The following NCOA7 variants were observed in gnomAD, a reference collection of about 807,000 sequenced individuals.
NCOA7 encodes nuclear receptor coactivator 7, also known as 140 kDa estrogen receptor-associated protein.
In NCOA7, 45 loss-of-function variants were observed where a neutral mutation model predicts 104.3. That is an observed-to-expected ratio of 0.43 (90% CI 0.34 to 0.55). The LOEUF (loss-of-function observed/expected upper bound fraction) is 0.55. Among genes scored for constraint, NCOA7 ranks in the 20% least tolerant of loss-of-function variants. The pLI is 0.02. For synonymous variants in NCOA7, 398 were observed against 402.3 expected (o/e 0.99, Z 0.13); for missense variants, 1,041 against 1,119.7 (o/e 0.93, Z 1.00).
chr6:125,864,909 A>G (rs1782321417), intron 3 of NCOA7, among the ~76,000 whole-genome samples: 1 of 137,980 alleles, frequency 7.2e-6, no homozygotes, highest in Non-Finnish European at 1.5e-5. Context: ...ATGCACAATT[A>G]TTGTCCTTGA....
chr6:125,928,453 C>G (rs1197542626), intron 15 of NCOA7, among the ~76,000 whole-genome samples, 183 bp from the exon 16 acceptor site: 1 of 152,050 alleles, frequency 6.6e-6, no homozygotes, highest in East Asian at 1.9e-4. Flanking sequence ...GAGACTGTTA[C>G]CACTTGTCTT....
chr6:125,805,587 G>A (rs987256752), intron 1 of NCOA7, among the ~76,000 whole-genome samples: 1 of 152,142 alleles, frequency 6.6e-6, no homozygotes, highest in African/African-American at 2.4e-5. Flanking sequence ...TTGTTCTAAA[G>A]TTCAGACTCT....
chr6:125,840,851 T>G (rs1009360563), intron 2 of NCOA7, among the ~76,000 whole-genome samples: 3 of 146,530 alleles, frequency 2.0e-5, no homozygotes, highest in African/African-American at 7.5e-5. Flanking sequence ...CCTTTTATGG[T>G]TTTTTTTGTT....
chr6:125,800,449 CAGAT>C (rs1314443489), intron 1 of NCOA7, among the ~76,000 whole-genome samples: 1 of 152,194 alleles, frequency 6.6e-6, no homozygotes, highest in Non-Finnish European at 1.5e-5. Context: ...GTTTTATGCT[CAGAT>C]ACTTTTATTG....
intron 3 of NCOA7, among the ~76,000 whole-genome samples, chr6:125,872,087 C>T (rs1335459616): frequency 5.3e-5 from 8 of 150,980 alleles, no homozygotes; most frequent in African/African-American, 1.9e-4. Flanking sequence ...ATCTTAGACT[C>T]TGAAGGGAAG....
At chr6:125,912,740 A>T (rs1048992800) in intron 10 of NCOA7, among the ~76,000 whole-genome samples, 1 of 152,226 alleles carries the variant, frequency 6.6e-6, no homozygotes, top group Admixed American at 6.5e-5. Context: ...GTCTAGACAC[A>T]TTCCAAAGGA....
At chr6:125,860,454 T>G (rs1280262548) in intron 3 of NCOA7, among the ~76,000 whole-genome samples, 3 of 152,168 alleles carry the variant, frequency 2.0e-5, no homozygotes, top group Non-Finnish European at 4.4e-5. Context: ...TTCAAGTGAT[T>G]CTCATGCCTC....
Position 125,874,946 on chromosome 6 carries a change from C to T in NCOA7, c.329C>T (p.Pro110Leu). The change falls in exon 4 of 16, where the codon CCC (proline) becomes CTC (leucine). Residue 110 changes from proline to leucine, a missense_variant. Pro to Leu is a moderately conservative substitution (Grantham distance 98). Transcript: ENST00000392477. ...KKEKKMVVQKPHGTMEYTAGN... is the reference protein window; with the variant it reads ...KKEKKMVVQKLHGTMEYTAGN... ...GAGAAGAAGATGGTGGTTCAGAAGC[C>T]CCATGGGACTATGGAATACACTGTG... 1 of 1,613,368 alleles carries T rather than the reference C, an allele frequency of 6.2e-7. No homozygotes were observed. The highest frequency in any genetic ancestry group is 8.5e-7 in the Non-Finnish European group (1 of 1,179,482).
chr6:125,821,153 G>A (rs1422827719), intron 2 of NCOA7, among the ~76,000 whole-genome samples: 1 of 152,090 alleles, frequency 6.6e-6, no homozygotes, highest in Non-Finnish European at 1.5e-5. Flanking sequence ...GCTATGATCA[G>A]CATCTTACCC....
In NCOA7 at chr6:125,885,223, A is replaced by G; in HGVS notation, c.764A>G (p.Asp255Gly). 1 of 1,613,946 alleles carries G rather than the reference A, an allele frequency of 6.2e-7. No homozygotes were observed. The highest frequency in any genetic ancestry group is 8.5e-7 in the Non-Finnish European group (1 of 1,179,928). The change falls in exon 8 of 16, where the codon GAT becomes GGT. Residue 255 changes from aspartate (D) to glycine (G), a missense_variant. Transcript: ENST00000392477. ...NNIMFDPHKS[D>G]PLVIENGCEE... ...ATCATGTTTGACCCTCATAAATCTG[A>G]TCCTCTGGTTATTGAAAATGGGTGT... is the stretch of plus-strand genomic sequence containing the variant.
chr6:125,869,331 C>G (rs533015970), intron 3 of NCOA7, among the ~76,000 whole-genome samples: 124 of 152,308 alleles, frequency 8.1e-4, no homozygotes, highest in Non-Finnish European at 1.5e-3. Context: ...TCTTCCCCCC[C>G]ACCAGCATAC....
intron 2 of NCOA7, among the ~76,000 whole-genome samples, chr6:125,840,271 G>A (rs1350032873): frequency 2.0e-5 from 3 of 152,038 alleles, no homozygotes; most frequent in Admixed American, 6.5e-5. Context: ...GCTATACAAT[G>A]TGTTTATATT....
chr6:125,788,698 A>ATTTTTTTTTTTTTTTTTTTTTTTTTTTT (rs60048395), upstream of NCOA7, among the ~76,000 whole-genome samples: 1 of 121,916 alleles, frequency 8.2e-6, no homozygotes, highest in Non-Finnish European at 1.7e-5. Context: ...CACCCAGCTA[A>ATTTTTTTTTTTTTTTTTTTTTTTTTTTT]TTTTTTTTTT....
chr6:125,809,916 C>T (rs1301361405), intron 1 of NCOA7, among the ~76,000 whole-genome samples: 2 of 152,196 alleles, frequency 1.3e-5, no homozygotes, highest in Non-Finnish European at 2.9e-5. Context: ...AAAAGCCATG[C>T]TTTGCTATGT....
At chr6:125,795,431 A>G (rs1775230002) in intron 1 of NCOA7, among the ~76,000 whole-genome samples, 1 of 152,108 alleles carries the variant, frequency 6.6e-6, no homozygotes, top group Non-Finnish European at 1.5e-5. Flanking sequence ...TTCCCCTGTC[A>G]CCCATTTCAC....
chr6:125,804,627 C>T (rs1776253112), intron 1 of NCOA7, among the ~76,000 whole-genome samples: 1 of 151,976 alleles, frequency 6.6e-6, no homozygotes, highest in Non-Finnish European at 1.5e-5. Flanking sequence ...TGACTTATAC[C>T]TTATGAGTAT....
At chr6:125,907,170 T>A (rs1055500263) in intron 10 of NCOA7, among the ~76,000 whole-genome samples, 1 of 152,186 alleles carries the variant, frequency 6.6e-6, no homozygotes, top group Non-Finnish European at 1.5e-5. Flanking sequence ...GAGGGGATAT[T>A]ATGCGGGAGG....
intron 3 of NCOA7, among the ~76,000 whole-genome samples, chr6:125,870,286 G>A (rs1382471792): frequency 6.6e-6 from 1 of 152,096 alleles, no homozygotes; most frequent in Non-Finnish European, 1.5e-5. Flanking sequence ...CTACTCTACT[G>A]GTGATGTTGA....
At chr6:125,787,888 C>T (rs1774543178), upstream of NCOA7, among the ~76,000 whole-genome samples, 4 of 152,120 alleles carry the variant, frequency 2.6e-5, no homozygotes, top group African/African-American at 9.7e-5. Flanking sequence ...TCCTTTAATT[C>T]CTATATCCAC....
Sources: allele counts gnomAD v4.1 joint callset (sites outside exome capture counted in the v4.1 genomes callset), GRCh38; gene constraint gnomAD v4.1.1; transcripts MANE v1.5; gene names NCBI Gene and HGNC (gene_info 2026-07-23, HGNC 2026-07-21).